EPM2A: variants seen among roughly 807,000 people sequenced by gnomAD.
EPM2A encodes the protein laforin.
Under a neutral mutation model 26.5 loss-of-function variants are expected in EPM2A, and 21 were observed. That is an observed-to-expected ratio of 0.79 (90% CI 0.56 to 1.14). The LOEUF (loss-of-function observed/expected upper bound fraction) is 1.14, where lower values mean the gene tolerates loss of function less well. EPM2A is among the 50% of genes most tolerant of loss of function. The probability of loss-of-function intolerance (pLI) is 0.00; values close to 1 mark genes in which losing one functional copy is unlikely to be tolerated. For missense variants in EPM2A, 458 were observed against 440.8 expected (o/e 1.04, Z -0.35); for synonymous variants, 217 against 177.6 (o/e 1.22, Z -1.76).
chr6:145,438,126 G>A (rs1360685225), intron 4 of EPM2A, among the ~76,000 whole-genome samples: 1 of 152,160 alleles, frequency 6.6e-6, no homozygotes, highest in African/African-American at 2.4e-5. Context: ...CAGGCAAGGT[G>A]CTCTGGCTTG....
chr6:145,720,176 A>C (rs1775876784), intron 1 of EPM2A, among the ~76,000 whole-genome samples: 1 of 152,174 alleles, frequency 6.6e-6, no homozygotes, highest in African/African-American at 2.4e-5. Flanking sequence ...TTCTAACCAC[A>C]TTAAGTAAAG....
chr6:145,674,031 C>A (rs2128602250), intron 2 of EPM2A, among the ~76,000 whole-genome samples: 1 of 152,272 alleles, frequency 6.6e-6, no homozygotes, highest in Middle Eastern at 3.4e-3. Flanking sequence ...GAGACACCTA[C>A]CAGTAGGGGC....
chr6:145,425,847 C>T (rs1234741888), intron 4 of EPM2A, among the ~76,000 whole-genome samples: 1 of 152,056 alleles, frequency 6.6e-6, no homozygotes, highest in Admixed American at 6.5e-5. Flanking sequence ...CCTTTCCACT[C>T]ACAAAGACTG....
chr6:145,432,459 T>A (rs1391920188), intron 4 of EPM2A, among the ~76,000 whole-genome samples: 1 of 151,912 alleles, frequency 6.6e-6, no homozygotes, highest in African/African-American at 2.4e-5. Context: ...ATCAGAGCTC[T>A]TGAGTGACCA....
At chr6:145,563,055 G>A (rs1466719954) in intron 2 of EPM2A, among the ~76,000 whole-genome samples, 1 of 151,742 alleles carries the variant, frequency 6.6e-6, no homozygotes. Flanking sequence ...GGAGAGCAAG[G>A]CAGACACTCG....
At chr6:145,419,885 G>A (rs1326230700) in intron 4 of EPM2A, among the ~76,000 whole-genome samples, 1 of 151,980 alleles carries the variant, frequency 6.6e-6, no homozygotes, top group Non-Finnish European at 1.5e-5. Context: ...ATACGTTAGT[G>A]AGCTAAAATG....
chr6:145,705,531 G>C (rs1318892928), intron 1 of EPM2A: 1 of 456,190 alleles, frequency 2.2e-6, no homozygotes, highest in East Asian at 7.0e-5. Flanking sequence ...CTCCAGCCTG[G>C]GCGACAGACT....
At chr6:145,511,256 A>G (rs1052646418) in intron 2 of EPM2A, among the ~76,000 whole-genome samples, 1 of 152,186 alleles carries the variant, frequency 6.6e-6, no homozygotes, top group Non-Finnish European at 1.5e-5. Context: ...CTCATTCTAC[A>G]AAACTAGTAT....
At chr6:145,429,048 T>C (rs1383187053) in intron 4 of EPM2A, among the ~76,000 whole-genome samples, 1 of 152,256 alleles carries the variant, frequency 6.6e-6, no homozygotes, top group East Asian at 1.9e-4. Context: ...GTCAATGAAG[T>C]ATTTTTAGAT....
In EPM2A at chr6:145,428,688, T is replaced by G. The variant is rs371205017; in HGVS notation, c.556-44591A>C. ...TTTGAGGAAAAGTGTTTTACTTTCT[T>G]TGCTGTGGCAGATGGTTACATGTCG... On this transcript the variant is annotated intron_variant, in intron 4 of 4. Coordinates refer to the EPM2A transcript ENST00000638717. 3.5e-3 allele frequency among the ~76,000 whole-genome samples: 536 copies of G among 152,368 alleles called. 2 individuals carry two copies. The highest frequency in any genetic ancestry group is 6.2e-3 in the Non-Finnish European group (422 of 68,030).
At chr6:145,582,291 T>C (rs1016095201) in intron 2 of EPM2A, among the ~76,000 whole-genome samples, 3 of 152,212 alleles carry the variant, frequency 2.0e-5, no homozygotes, top group African/African-American at 7.2e-5. Flanking sequence ...TATTTTGCCA[T>C]GGTACAAGAG....
At chr6:145,555,553 A>G (rs1780717795) in intron 2 of EPM2A, among the ~76,000 whole-genome samples, 1 of 152,108 alleles carries the variant, frequency 6.6e-6, no homozygotes, top group Non-Finnish European at 1.5e-5. Context: ...CTAGGCCAAA[A>G]TCCAAAAATA....
At chr6:145,405,216 G>T (rs765172209) in intron 4 of EPM2A, among the ~76,000 whole-genome samples, 23 of 152,114 alleles carry the variant, frequency 1.5e-4, no homozygotes, top group Non-Finnish European at 2.9e-4. Context: ...AATCAAGTTA[G>T]CTCATCTTAT....
intron 2 of EPM2A, among the ~76,000 whole-genome samples, chr6:145,649,392 C>T (rs143130200): frequency 1.1e-4 from 16 of 152,244 alleles, no homozygotes; most frequent in Admixed American, 2.0e-4. Flanking sequence ...TGGTTCTGAG[C>T]GCTTAGCAAG....
At chr6:145,690,140 G>C (rs1781180503) in intron 1 of EPM2A, among the ~76,000 whole-genome samples, 1 of 152,156 alleles carries the variant, frequency 6.6e-6, no homozygotes, top group Non-Finnish European at 1.5e-5. Context: ...TGAGGAACCT[G>C]GGTAATAAGG....
chr6:145,621,615 T>C (rs1319330922), downstream of EPM2A, among the ~76,000 whole-genome samples: 2 of 134,328 alleles, frequency 1.5e-5, no homozygotes, highest in South Asian at 2.3e-4. Flanking sequence ...TATCTCTTGC[T>C]TTTTTTTTTT....
At chr6:145,700,401 A>C (rs1781845574) in intron 1 of EPM2A, among the ~76,000 whole-genome samples, 1 of 152,104 alleles carries the variant, frequency 6.6e-6, no homozygotes, top group Non-Finnish European at 1.5e-5. Context: ...CTCAGAATTA[A>C]CTAGAAATTT....
chr6:145,590,251 G>A (rs1312351689), intron 2 of EPM2A, among the ~76,000 whole-genome samples: 1 of 152,030 alleles, frequency 6.6e-6, no homozygotes, highest in African/African-American at 2.4e-5. Flanking sequence ...ATGGTCAAGA[G>A]CCAAGAGAAA....
At chr6:145,620,853 A>T (rs916885245), downstream of EPM2A, among the ~76,000 whole-genome samples, 1 of 152,194 alleles carries the variant, frequency 6.6e-6, no homozygotes, top group Non-Finnish European at 1.5e-5. Flanking sequence ...ATATTGTATT[A>T]TTTAGGGTGT....
Sources: allele counts gnomAD v4.1 joint callset (sites outside exome capture counted in the v4.1 genomes callset), GRCh38; gene constraint gnomAD v4.1.1; transcripts MANE v1.5; gene names NCBI Gene and HGNC (gene_info 2026-07-23, HGNC 2026-07-21).